Variants in NFATC4 observed in about 807,000 individuals in gnomAD.
NFATC4 encodes nuclear factor of activated T cells 4.
In NFATC4, 25 loss-of-function variants were observed where a neutral mutation model predicts 73.4. The observed-to-expected ratio is 0.34, with a 90% confidence interval of 0.25 to 0.48. The LOEUF is 0.48. NFATC4 is among the 20% of genes least tolerant of loss of function. NFATC4 has a pLI of 0.99. For missense variants in NFATC4, 1,130 were observed against 1,203.7 expected (o/e 0.94, Z 0.91); for synonymous variants, 523 against 510.3 (o/e 1.02, Z -0.34).
At position 24,370,547 on chromosome 14, in the gene NFATC4, A is replaced by C. The variant is rs2042447683; in HGVS notation, c.1149A>C (p.Pro383=). 3 of 1,613,350 alleles carry C rather than the reference A, an allele frequency of 1.9e-6. No individual in the cohort carries two copies. Among genetic ancestry groups the C allele is most frequent in the African/African-American group, 2.7e-5 (2 of 74,906 alleles). The change falls in exon 2 of 10, where the codon CCA becomes CCC. Residue 383 remains proline, a synonymous_variant. Coordinates refer to ENST00000250373, the MANE Select transcript of NFATC4 (RefSeq NM_004554.5). ...TGGACTACCTGGCAGTGCCCTCCCC[A>C]CTCGCTTGGTCCAAGGCCCGGATTG... is the stretch of plus-strand genomic sequence containing the variant. The part of the protein sequence containing the change: ...AGMDYLAVPS[P]LAWSKARIGG...
At position 24,376,434 on chromosome 14, in the gene NFATC4, G is replaced by A. The variant is rs755075807; in HGVS notation, c.2197G>A (p.Glu733Lys). The A allele has an allele frequency of 4.3e-6, 7 of 1,613,530 alleles. No individual in the cohort carries two copies. Among genetic ancestry groups the A allele is most frequent in the East Asian group, 4.5e-5 (2 of 44,864 alleles). ...PSYPHEDPAC[E>K]TPYLSEGFGY... ...CTATCCCCATGAAGACCCTGCTTGC[G>A]AAACTCCTTACCTATCAGAAGGCTT... is the stretch of plus-strand genomic sequence containing the variant. Residue 733 changes from glutamate to lysine, a missense_variant, in exon 9 of 10, where the codon GAA becomes AAA. Glu to Lys is a moderately conservative substitution (Grantham distance 56). Around this residue, in one of 3 missense-constraint regions of NFATC4, gnomAD observed 390 missense variants for 408.1 expected, o/e 0.96. Coordinates refer to ENST00000250373, the MANE Select transcript of NFATC4 (RefSeq NM_004554.5). The surrounding 1 kb of genome is among the most constrained non-coding windows in gnomAD (Gnocchi z 5.0).
chr14:24,374,041 C>A (rs1433685489), intron 5 of NFATC4, 174 bp downstream of exon 5: 1 of 1,044,688 alleles, frequency 9.6e-7, no homozygotes, highest in East Asian at 2.6e-5. Context: ...GACTCTGTCT[C>A]TGGGGTGGCC....
Position 24,376,730 on chromosome 14 carries a change from T to C in NFATC4, c.2493T>C (p.Asp831=), listed in dbSNP as rs1454420768. ...PLEGPFPSQS[D]VHPLPAEGYN... ...AAGGCCCCTTCCCTTCCCAGAGTGA[T>C]GTGCATCCCCTACCTGCTGAGGGAT... The change falls in exon 9 of 10, where the codon GAT becomes GAC. Residue 831 remains aspartate, a synonymous_variant. Transcript: ENST00000250373. The surrounding 1 kb of genome is among the most constrained non-coding windows in gnomAD (Gnocchi z 5.0). The C allele has an allele frequency of 1.5e-5, 25 of 1,613,888 alleles. No individual in the cohort carries two copies. Among genetic ancestry groups the C allele is most frequent in the Non-Finnish European group, 2.1e-5 (25 of 1,179,948 alleles).
intron 1 of NFATC4, chr14:24,368,975 G>A (rs1280706843): frequency 1.5e-5 from 17 of 1,104,318 alleles, no homozygotes; most frequent in African/African-American, 1.6e-5. Flanking sequence ...GCTGGGCCCA[G>A]CACGCATCAC....
rs764185532 is a variant in NFATC4 at position 24,376,772 on chromosome 14, A to G, written c.2535A>G (p.Pro845=). 6.2e-7 allele frequency: 1 copy of G among 1,613,858 alleles called. No homozygotes were observed. The highest frequency in any genetic ancestry group is 8.5e-7 in the Non-Finnish European group (1 of 1,179,906). ...CTGAGGGATACAATAAGGTAGGGCC[A>G]GGCTATGGCCCTGGGGAGGGGGCTC... The part of the protein sequence containing the change: ...LPAEGYNKVG[P]GYGPGEGAPE... Residue 845 remains proline (P), a synonymous_variant, in exon 9 of 10, where the codon CCA becomes CCG. Transcript: ENST00000250373. This position sits in a 1 kb window ranked among gnomAD's most constrained non-coding sequence, Gnocchi z 5.0.
chr14:24,377,903 C>T lies in NFATC4; in HGVS notation c.*198C>T. ...TCAGGCCTGGTGCTGCCTTGGAGGG[C>T]TGGGGGAAGGAGTGTGTGGAGGAGG... On this transcript the variant is annotated 3_prime_UTR_variant, in exon 10 of 10. Transcript: ENST00000250373. This position sits in a 1 kb window ranked among gnomAD's most constrained non-coding sequence, Gnocchi z 4.2. 1 of 1,138,172 alleles carries T rather than the reference C, an allele frequency of 8.8e-7. No homozygotes were observed. The highest frequency in any genetic ancestry group is 1.2e-6 in the Non-Finnish European group (1 of 824,012). The allele number at this position is 1,138,172 out of a possible 1,614,324, so 70.5% of individuals were successfully genotyped here.
In NFATC4 at chr14:24,368,282, C is replaced by T; in HGVS notation, c.-59C>T. The stretch of plus-strand genomic sequence containing the variant: ...GGGAGCCACCCGGGTGAAGATACAG[C>T]AGCCTCCTGAACTCCCCCCTCCCAC... On this transcript the variant is annotated 5_prime_UTR_variant, in exon 1 of 10. Transcript: ENST00000250373. The T allele has an allele frequency of 1.5e-6, 2 of 1,370,752 alleles. No homozygotes were observed. Among genetic ancestry groups the T allele is most frequent in the East Asian group, 3.1e-5 (1 of 32,506 alleles). The allele number at this position is 1,370,752 out of a possible 1,614,324, so 84.9% of individuals were successfully genotyped here.
At chr14:24,369,436 A>G (rs771629666) in intron 1 of NFATC4, 63 bp from the exon 2 acceptor site, 10 of 1,610,258 alleles carry the variant, frequency 6.2e-6, no homozygotes, top group Non-Finnish European at 8.5e-6. Flanking sequence ...CTCAAGGAAC[A>G]TAGCCATCTC....
Position 24,376,271 on chromosome 14 carries a change from C to A in NFATC4, c.2057-23C>A. 1.3e-6 allele frequency: 2 copies of A among 1,557,448 alleles called. No homozygotes were observed. The highest frequency in any genetic ancestry group is 1.7e-6 in the Non-Finnish European group (2 of 1,151,458). ...ACTACCAGACCTCTCACCAGCATGT[C>A]CTCCCACTTCCTGTCTTCCCAGTGA... On this transcript the variant is annotated intron_variant, in intron 8 of 9. Transcript: ENST00000250373. The surrounding 1 kb of genome is among the most constrained non-coding windows in gnomAD (Gnocchi z 5.0).
In NFATC4 at chr14:24,372,423, C is replaced by T; in HGVS notation, c.1197-18C>T. On this transcript the variant is annotated intron_variant, in intron 2 of 9. Coordinates refer to ENST00000250373, the MANE Select transcript of NFATC4 (RefSeq NM_004554.5). ...GGTCTGAGGCTGCACATGATCAATG[C>T]TCTTCTCTCCCACCCAGGACCTCTG... 6.2e-7 allele frequency: 1 copy of T among 1,610,420 alleles called. No homozygotes were observed. The highest frequency in any genetic ancestry group is 8.5e-7 in the Non-Finnish European group (1 of 1,179,260).
chr14:24,370,758 A>AG (rs1594706454), intron 2 of NFATC4, among the ~76,000 whole-genome samples, 164 bp downstream of exon 2: 1 of 152,334 alleles, frequency 6.6e-6, no homozygotes, highest in East Asian at 1.9e-4. Flanking sequence ...AAAGAGAACT[A>AG]GAAAAAAAAG....
At position 24,373,340 on chromosome 14, in the gene NFATC4, C is replaced by T; in HGVS notation, c.1529C>T (p.Thr510Ile). The T allele has an allele frequency of 6.2e-7, 1 of 1,614,154 alleles. No individual in the cohort carries two copies. The highest frequency in any genetic ancestry group is 8.5e-7 in the Non-Finnish European group (1 of 1,180,046). Residue 510 changes from threonine to isoleucine, a missense_variant, in exon 4 of 10, where the codon ACT (threonine) becomes ATT (isoleucine). Thr to Ile is a moderately conservative substitution (Grantham distance 89, BLOSUM62 -1). Coordinates refer to ENST00000250373, the MANE Select transcript of NFATC4 (RefSeq NM_004554.5). This position sits in a 1 kb window ranked among gnomAD's most constrained non-coding sequence, Gnocchi z 4.7. ...VVSGTKVLEM[T>I]LLPENNMAAN... ...AGTGGCACCAAGGTGTTGGAGATGA[C>T]TCTGCTGCCTGAGAACAACATGGCG...
chr14:24,373,041 A>G lies in NFATC4; in HGVS notation c.1360-130A>G, dbSNP rs959367263. On this transcript the variant is annotated intron_variant, in intron 3 of 9. Coordinates refer to ENST00000250373, the MANE Select transcript of NFATC4 (RefSeq NM_004554.5). This position sits in a 1 kb window ranked among gnomAD's most constrained non-coding sequence, Gnocchi z 4.7. ...CTCCACAACGGGTGCCCAGTTCCCCAAGGGATTCCCTTGCAGGATATCCTT... is the reference window on the plus strand; with the variant it reads ...CTCCACAACGGGTGCCCAGTTCCCCGAGGGATTCCCTTGCAGGATATCCTT... 18 of 941,144 alleles carry G rather than the reference A, an allele frequency of 1.9e-5. No individual in the cohort carries two copies. The African/African-American group carries it at 2.8e-4, about 15-fold the overall frequency. The allele number at this position is 941,144 out of a possible 1,614,324, so 58.3% of individuals were successfully genotyped here.
upstream of NFATC4, chr14:24,367,142 C>T: frequency 6.2e-7 from 1 of 1,613,986 alleles, no homozygotes; most frequent in Non-Finnish European, 8.5e-7. Context: ...CTCCCTCTCA[C>T]ACAACCCAGG....
chr14:24,367,047 G>A (rs2042327604), upstream of NFATC4: 1 of 1,613,678 alleles, frequency 6.2e-7, no homozygotes, highest in Admixed American at 1.7e-5. Flanking sequence ...GTGTGTGTGT[G>A]GGAGAAAATG....
Position 24,379,009 on chromosome 14 carries a change from C to T in NFATC4, c.*1304C>T, listed in dbSNP as rs958021598. The T allele has an allele frequency of 6.6e-6, 1 of 152,298 alleles. No homozygotes were observed. Among genetic ancestry groups the T allele is most frequent in the African/African-American group, 2.4e-5 (1 of 41,428 alleles). The allele number at this position is 152,298 out of a possible 1,614,324, so 9.4% of individuals were successfully genotyped here. A position where few individuals can be genotyped will look rare whatever the true frequency, so the allele number is the denominator to read the frequency against. ...GCTGCAGGGGGACGTGCCTAAAAGA[C>T]ATTCCGGGCATTTGCACTTGGGAAA... On this transcript the variant is annotated 3_prime_UTR_variant, in exon 10 of 10. Coordinates refer to ENST00000250373, the MANE Select transcript of NFATC4 (RefSeq NM_004554.5).
At position 24,379,140 on chromosome 14, in the gene NFATC4, G is replaced by A. The variant is rs1008159954; in HGVS notation, c.*1435G>A. Reference sequence around the variant, plus strand: ...GGTGGGTGTGACAGAGGCTGGCTCTGGATTGGGGGACAACAGAACCAGAGT... The same window carrying A: ...GGTGGGTGTGACAGAGGCTGGCTCTAGATTGGGGGACAACAGAACCAGAGT... On this transcript the variant is annotated 3_prime_UTR_variant, in exon 10 of 10. Transcript: ENST00000250373. The A allele has an allele frequency of 6.6e-6, 1 of 152,402 alleles. No individual in the cohort carries two copies. Among genetic ancestry groups the A allele is most frequent in the African/African-American group, 2.4e-5 (1 of 41,450 alleles). The allele number at this position is 152,402 out of a possible 1,614,324, so 9.4% of individuals were successfully genotyped here.
In NFATC4 at chr14:24,375,666, A is replaced by G; in HGVS notation, c.1880A>G (p.Lys627Arg). The part of the protein sequence containing the change: ...VVFIERGPDG[K>R]LQWEEEATVN... ...CTCTGTTCCCTCTGGACAGATGGGA[A>G]GCTGCAATGGGAGGAGGAGGCCACA... is the stretch of plus-strand genomic sequence containing the variant. The change falls in exon 7 of 10, where the codon AAG (lysine) becomes AGG (arginine). Residue 627 changes from lysine to arginine, a missense_variant. Lys to Arg is a conservative substitution (Grantham distance 26). Transcript: ENST00000250373. The G allele has an allele frequency of 6.8e-7, 1 of 1,472,944 alleles. No individual in the cohort carries two copies. Among genetic ancestry groups the G allele is most frequent in the South Asian group, 1.2e-5 (1 of 83,344 alleles). 91.2% of individuals were successfully genotyped at this position (1,472,944 alleles called of 1,614,324 possible).
rs2042560247 is a variant in NFATC4 at position 24,374,474 on chromosome 14, C to A, written c.1873+8C>A. 2 of 1,605,232 alleles carry A rather than the reference C, an allele frequency of 1.2e-6. No individual in the cohort carries two copies. The highest frequency in any genetic ancestry group is 1.3e-5 in the African/African-American group (1 of 74,900). On this transcript the variant is annotated splice_region_variant and intron_variant, in intron 6 of 9. Coordinates refer to ENST00000250373, the MANE Select transcript of NFATC4 (RefSeq NM_004554.5). Reference sequence around the variant, plus strand: ...TCATTGAGAGGGGTCCTGGTGAGTACCTGCTGGGGAGGGGAGGGCAGGCAG... The same window carrying A: ...TCATTGAGAGGGGTCCTGGTGAGTAACTGCTGGGGAGGGGAGGGCAGGCAG...
Sources: allele counts gnomAD v4.1 joint callset (sites outside exome capture counted in the v4.1 genomes callset), GRCh38; gene constraint gnomAD v4.1.1; regional missense constraint gnomAD v4.1.1; non-coding constraint Gnocchi (gnomAD v3.1); transcripts MANE v1.5; gene names NCBI Gene and HGNC (gene_info 2026-07-23, HGNC 2026-07-21).